The following DAPK3 variants were observed in gnomAD, a reference collection of about 807,000 sequenced individuals.
The protein encoded by DAPK3 is death-associated protein kinase 3.
Under a neutral mutation model 30.6 loss-of-function variants are expected in DAPK3, and 24 were observed. That is an observed-to-expected ratio of 0.78 (90% CI 0.57 to 1.10). The LOEUF (loss-of-function observed/expected upper bound fraction) is 1.10, where lower values mean the gene tolerates loss of function less well. Ranked by LOEUF, DAPK3 falls within the 50% of genes least tolerant of loss-of-function variation. The probability of loss-of-function intolerance (pLI) is 0.00; values close to 1 mark genes in which losing one functional copy is unlikely to be tolerated. For synonymous variants in DAPK3, 341 were observed against 284.0 expected (o/e 1.20, Z -2.02); for missense variants, 629 against 657.3 (o/e 0.96, Z 0.47).
intron 2 of DAPK3, among the ~76,000 whole-genome samples, chr19:3,965,913 C>A (rs1169666899): frequency 6.6e-6 from 1 of 151,972 alleles, no homozygotes; most frequent in Admixed American, 6.6e-5. Context: ...TGATCCCTCC[C>A]AAGTAGGTGG....
At chr19:3,969,513 G>A (rs888891446) in intron 2 of DAPK3, among the ~76,000 whole-genome samples, 161 bp downstream of exon 2, 1 of 152,160 alleles carries the variant, frequency 6.6e-6, no homozygotes, top group Non-Finnish European at 1.5e-5. Flanking sequence ...AGCCGGGGCT[G>A]TCTGACTCCA....
rs1235737276 is a variant in DAPK3, at chr19:3,959,013, G to A, written c.*88C>T. ...TGGCGCTGGGCAAGGACAGGCACCC[G>A]GGCGATGGGAGGCGCAGCGTCCACA... On this transcript the variant is annotated 3_prime_UTR_variant, in exon 9 of 9. Transcript: ENST00000545797. The A allele has an allele frequency of 1.4e-5, 12 of 855,498 alleles. 1 individual carries two copies. Among genetic ancestry groups the A allele is most frequent in the South Asian group, 7.3e-5 (4 of 54,626 alleles). 53.0% of individuals were successfully genotyped at this position (855,498 alleles called of 1,614,324 possible). A position where few individuals can be genotyped will look rare whatever the true frequency, so the allele number is the denominator to read the frequency against.
At chr19:3,967,996 T>C (rs1055851988) in intron 2 of DAPK3, among the ~76,000 whole-genome samples, 2 of 152,210 alleles carry the variant, frequency 1.3e-5, no homozygotes, top group African/African-American at 4.8e-5. Flanking sequence ...AAATTATGAA[T>C]TTCTGTTTGT....
chr19:3,970,321 T>C (rs1053871789), intron 1 of DAPK3, among the ~76,000 whole-genome samples: 2 of 152,146 alleles, frequency 1.3e-5, no homozygotes, highest in Non-Finnish European at 2.9e-5. Context: ...TGGAGTGCAG[T>C]GGTGCAATCA....
At chr19:3,970,601 G>A (rs1415647451) in intron 1 of DAPK3, 1 of 150,458 alleles carries the variant, frequency 6.6e-6, no homozygotes, top group Non-Finnish European at 1.5e-5. Flanking sequence ...GACCTCCACT[G>A]TCCTCGCAAG....
At chr19:3,962,605 G>GT (rs1218200750) in intron 6 of DAPK3, among the ~76,000 whole-genome samples, 1 of 151,928 alleles carries the variant, frequency 6.6e-6, no homozygotes, top group Non-Finnish European at 1.5e-5. Flanking sequence ...GTGAAACATC[G>GT]TCTCTACTAA....
At chr19:3,964,013 C>T (rs1268252855) in intron 4 of DAPK3, 94 bp from the exon 5 acceptor site, 15 of 915,172 alleles carry the variant, frequency 1.6e-5, no homozygotes, top group Non-Finnish European at 2.3e-5. Context: ...TCTCACATGT[C>T]GCAGCCCTTG....
chr19:3,964,211 C>T (rs372513512), intron 4 of DAPK3, 33 bp downstream of exon 4: 2 of 1,570,864 alleles, frequency 1.3e-6, no homozygotes, highest in African/African-American at 2.7e-5. Flanking sequence ...CCACCCTCCC[C>T]AGGCCGGGGC....
intron 2 of DAPK3, among the ~76,000 whole-genome samples, chr19:3,969,106 G>C (rs991881099): frequency 1.3e-5 from 2 of 151,866 alleles, no homozygotes; most frequent in African/African-American, 4.8e-5. Context: ...AAACTAAAGT[G>C]CCTCCCACAA....
chr19:3,964,550 A>T, intron 3 of DAPK3, 81 bp downstream of exon 3: 1 of 1,299,756 alleles, frequency 7.7e-7, no homozygotes, highest in Non-Finnish European at 1.0e-6. Context: ...CACGCGCAGG[A>T]GGTGCCTTCC....
intron 2 of DAPK3, among the ~76,000 whole-genome samples, chr19:3,966,258 C>G (rs187798719): frequency 2.2e-4 from 33 of 152,272 alleles, no homozygotes; most frequent in Non-Finnish European, 5.9e-5. Context: ...TTCCTGCGTG[C>G]CTACCTCCCG....
intron 6 of DAPK3, 143 bp downstream of exon 6, chr19:3,963,500 C>A: frequency 1.9e-6 from 1 of 536,738 alleles, no homozygotes. Flanking sequence ...GAGAATCACT[C>A]ATCCGTTCAC....
chr19:3,959,851 C>T (rs2145328284), intron 8 of DAPK3: 4 of 651,262 alleles, frequency 6.1e-6, no homozygotes, highest in South Asian at 1.9e-5. Context: ...TGGACACACA[C>T]CAGCCAAGGA....
chr19:3,964,118 C>A, intron 4 of DAPK3, 126 bp downstream of exon 4: 1 of 946,542 alleles, frequency 1.1e-6, no homozygotes, highest in Non-Finnish European at 1.6e-6. Context: ...CAAAGCCGGG[C>A]CCAAGAGGGG....
At chr19:3,970,042 C>T (rs571123676) in intron 1 of DAPK3, 1 of 401,782 alleles carries the variant, frequency 2.5e-6, no homozygotes, top group African/African-American at 2.0e-5. Context: ...GTAACAGCCC[C>T]ACTGGGCCAC....
At position 3,969,819 on chromosome 19, in the gene DAPK3, T is replaced by C; in HGVS notation, c.-84A>G. 1.1e-6 allele frequency: 1 copy of C among 902,590 alleles called. No homozygotes were observed. The highest frequency in any genetic ancestry group is 1.6e-5 in the African/African-American group (1 of 61,428). The allele number at this position is 902,590 out of a possible 1,614,324, so 55.9% of individuals were successfully genotyped here. ...TGGAGATAGGACCTCAGGAGTCCCC[T>C]AATGGCAACCCTGGAGAAGACAGGG... On this transcript the variant is annotated 5_prime_UTR_variant, in exon 2 of 9. Transcript: ENST00000545797.
At position 3,959,275 on chromosome 19, in the gene DAPK3, C is replaced by T. The variant is rs1402708878; in HGVS notation, c.1191G>A (p.Glu397=). 3.8e-6 allele frequency: 6 copies of T among 1,597,984 alleles called. No homozygotes were observed. Among genetic ancestry groups the T allele is most frequent in the Admixed American group, 3.3e-5 (2 of 59,706 alleles). ...KTEALKRQAQ[E]EAKGALLGTS... is the part of the protein sequence containing the mutation. ...TCCCCAGCAGCGCGCCCTTGGCCTC[C>T]TCCTGCGCCTGCCGCTTGAGCGCCT... Residue 397 remains glutamate (E), a synonymous_variant, in exon 9 of 9, where the codon GAG becomes GAA. Coordinates refer to ENST00000545797, the MANE Select transcript of DAPK3 (RefSeq NM_001348.3).
At chr19:3,960,950 T>A in intron 7 of DAPK3, 59 bp downstream of exon 7, 1 of 1,582,400 alleles carries the variant, frequency 6.3e-7, no homozygotes, top group Non-Finnish European at 8.6e-7. Flanking sequence ...GGAGCCTCCG[T>A]GGGTGGAGTG....
intron 6 of DAPK3, among the ~76,000 whole-genome samples, chr19:3,962,541 C>T (rs369215905): frequency 6.6e-6 from 1 of 152,112 alleles, no homozygotes. Context: ...TCTGGGAGGC[C>T]AAGGCGGCCG....
Sources: gnomAD v4.1 joint callset for allele counts (sites outside exome capture counted in the v4.1 genomes callset) on GRCh38, gnomAD v4.1.1 for gene constraint, MANE v1.5 for transcripts, NCBI Gene and HGNC (gene_info 2026-07-23, HGNC 2026-07-21) for gene names.